NMRK2: variants seen among roughly 807,000 people sequenced by gnomAD.
The protein encoded by NMRK2 is nicotinamide riboside kinase 2, also known as NRK 2.
In NMRK2, 34 loss-of-function variants were observed where a neutral mutation model predicts 24.7. That is an observed-to-expected ratio of 1.37 (90% CI 1.05 to 1.83). The LOEUF (loss-of-function observed/expected upper bound fraction) is 1.83. NMRK2 is among the 40% of genes most tolerant of loss of function. The pLI is 0.00. For missense variants in NMRK2, 341 were observed against 315.0 expected, an observed-to-expected ratio of 1.08 and a Z score of -0.62; for synonymous variants, 145 against 125.6, an observed-to-expected ratio of 1.15 and a Z score of -1.03.
intron 2 of NMRK2, among the ~76,000 whole-genome samples, chr19:3,935,872 G>A (rs2039204250): frequency 6.6e-6 from 1 of 151,888 alleles, no homozygotes. Flanking sequence ...TGCATGGCCG[G>A]TGCTGTTTTA....
At chr19:3,940,979 TGACTATGAC>T in intron 6 of NMRK2, 83 bp from the exon 7 acceptor site, 2 of 812,402 alleles carry the variant, frequency 2.5e-6, no homozygotes, top group Non-Finnish European at 4.1e-6. Flanking sequence ...GTTCTGTCCC[TGACTATGAC>T]AGCTTTCAGG....
rs913687313 is a variant in NMRK2 at position 3,942,374 on chromosome 19, C to A, written c.*101C>A. 2 of 1,038,662 alleles carry A rather than the reference C, an allele frequency of 1.9e-6. No homozygotes were observed. Among genetic ancestry groups the A allele is most frequent in the Non-Finnish European group, 2.8e-6 (2 of 722,790 alleles). 64.3% of individuals were successfully genotyped at this position (1,038,662 alleles called of 1,614,324 possible). A position where few individuals can be genotyped will look rare whatever the true frequency, so the allele number is the denominator to read the frequency against. ...ACTGAGCCCCAAGACGCCTCTGTAACCTCGCTGCAGCTTCAGTAGTAAACT... is the reference window on the plus strand; with the variant it reads ...ACTGAGCCCCAAGACGCCTCTGTAAACTCGCTGCAGCTTCAGTAGTAAACT... On this transcript the variant is annotated 3_prime_UTR_variant, in exon 8 of 8. Coordinates refer to ENST00000168977, the MANE Select transcript of NMRK2 (RefSeq NM_170678.3).
intron 5 of NMRK2, 80 bp downstream of exon 5, chr19:3,938,839 T>TG (rs2039272163): frequency 6.5e-5 from 31 of 473,714 alleles, no homozygotes; most frequent in African/African-American, 3.8e-4. Flanking sequence ...TTTTTTTTTT[T>TG]TTTTGTTTTG....
intron 3 of NMRK2, 41 bp from the exon 4 acceptor site, chr19:3,937,199 G>A (rs1332519191): frequency 3.7e-6 from 6 of 1,608,782 alleles, no homozygotes; most frequent in Non-Finnish European, 5.1e-6. Flanking sequence ...GGTGAGGCAG[G>A]ACCGGGCACT....
rs748649005 is a variant in NMRK2, at chr19:3,937,302, T to A, written c.166+14T>A. ...AACAGTGGGACGGTAAGGACAAGCA[T>A]CACCTCCAAGCCCCACTATCCCCCG... On this transcript the variant is annotated intron_variant, in intron 4 of 7. Transcript: ENST00000168977. 1.2e-6 allele frequency: 2 copies of A among 1,611,984 alleles called. No individual in the cohort carries two copies. The highest frequency in any genetic ancestry group is 2.2e-5 in the South Asian group (2 of 90,980).
In NMRK2 at chr19:3,938,834, T is replaced by G. The variant is rs60777278; in HGVS notation, c.323+75T>G. 2,359 of 609,120 alleles carry G rather than the reference T, an allele frequency of 3.9e-3. 75 individuals carry two copies. The African/African-American group carries it at 0.049, about 13-fold the overall frequency. 37.7% of individuals were successfully genotyped at this position (609,120 alleles called of 1,614,324 possible). ...ATAGCCATCTCTTGTTTTTTTTTTT[T>G]TTTTTTTTTGTTTTGTTTTTTTTTT... On this transcript the variant is annotated intron_variant, in intron 5 of 7. Coordinates refer to ENST00000168977, the MANE Select transcript of NMRK2 (RefSeq NM_170678.3).
chr19:3,939,438 C>T (rs1033302848), intron 5 of NMRK2, among the ~76,000 whole-genome samples: 16 of 151,890 alleles, frequency 1.1e-4, no homozygotes, highest in South Asian at 2.1e-4. Flanking sequence ...CGCTTGAACC[C>T]GGGAAGTGGA....
At chr19:3,938,099 GT>G (rs2039247746) in intron 4 of NMRK2, among the ~76,000 whole-genome samples, 4 of 109,324 alleles carry the variant, frequency 3.7e-5, no homozygotes, top group Non-Finnish European at 5.6e-5. Context: ...CCCGTCCACT[GT>G]TCCCCTGGGG....
chr19:3,936,304 A>T (rs758208756), intron 2 of NMRK2, among the ~76,000 whole-genome samples: 1 of 151,990 alleles, frequency 6.6e-6, no homozygotes, highest in Non-Finnish European at 1.5e-5. Context: ...GCTACTCAGG[A>T]GGCTGAGGCA....
chr19:3,941,050 C>T (rs1276301584), intron 6 of NMRK2, 21 bp from the exon 7 acceptor site: 2 of 1,535,136 alleles, frequency 1.3e-6, no homozygotes, highest in Middle Eastern at 1.7e-4. Context: ...TCTAAGCCAT[C>T]CTTGCCTTCT....
Position 3,936,594 on chromosome 19 carries a change from A to G in NMRK2, c.46A>G (p.Thr16Ala). ...GIGGMTNGGK[T>A]TLTNSLLRAL... ...CCCCAGCATGACCAACGGCGGCAAG[A>G]CCACGCTGACCAACAGCCTGCTCAG... The change falls in exon 3 of 8, where the codon ACC (threonine) becomes GCC (alanine). Residue 16 changes from threonine (T) to alanine (A), a missense_variant. Thr to Ala is a moderately conservative substitution (Grantham distance 58, BLOSUM62 0). Transcript: ENST00000168977. 1 of 1,564,488 alleles carries G rather than the reference A, an allele frequency of 6.4e-7. No homozygotes were observed. The highest frequency in any genetic ancestry group is 1.2e-5 in the South Asian group (1 of 85,120).
intron 2 of NMRK2, 54 bp downstream of exon 2, chr19:3,933,751 C>T (rs924617720): frequency 5.0e-5 from 69 of 1,367,502 alleles, no homozygotes; most frequent in Non-Finnish European, 5.9e-5. Flanking sequence ...CCCCTGTGCG[C>T]GCAGAGGGGG....
At chr19:3,936,745 C>A in intron 3 of NMRK2, 80 bp downstream of exon 3, 2 of 1,196,326 alleles carry the variant, frequency 1.7e-6, no homozygotes, top group South Asian at 1.5e-5. Context: ...CCGCCCTCCA[C>A]TGCCCAGTGC....
At chr19:3,942,002 C>G (rs1305443374) in intron 7 of NMRK2, 81 bp from the exon 8 acceptor site, 1 of 1,196,242 alleles carries the variant, frequency 8.4e-7, no homozygotes, top group Non-Finnish European at 1.2e-6. Context: ...TCTCCTTGCT[C>G]CTGACCCAGC....
intron 3 of NMRK2, 58 bp downstream of exon 3, chr19:3,936,723 G>T: frequency 7.1e-7 from 1 of 1,408,488 alleles, no homozygotes. Flanking sequence ...GGGCAGCCAG[G>T]CCCGGCCAGC....
chr19:3,940,998 G>A, intron 6 of NMRK2, 73 bp from the exon 7 acceptor site: 1 of 964,500 alleles, frequency 1.0e-6, no homozygotes, highest in Non-Finnish European at 1.6e-6. Flanking sequence ...CAGCTTTCAG[G>A]CCCCCCACCG....
chr19:3,935,953 GT>G (rs2039205484), intron 2 of NMRK2, among the ~76,000 whole-genome samples: 1 of 152,020 alleles, frequency 6.6e-6, no homozygotes. Flanking sequence ...GCTCACACCT[GT>G]AATCCCAGCA....
At chr19:3,934,516 G>A (rs972837402) in intron 2 of NMRK2, among the ~76,000 whole-genome samples, 7 of 150,390 alleles carry the variant, frequency 4.7e-5, no homozygotes, top group South Asian at 2.1e-4. Context: ...AATGCTAGCC[G>A]GACTCCCTCT....
chr19:3,938,404 C>T (rs1156843500), intron 4 of NMRK2, among the ~76,000 whole-genome samples, 199 bp from the exon 5 acceptor site: 30 of 120,116 alleles, frequency 2.5e-4, no homozygotes, highest in South Asian at 5.5e-4. Flanking sequence ...CTGCAATGCC[C>T]GCTCCCCGTC....
Sources: allele counts gnomAD v4.1 joint callset (sites outside exome capture counted in the v4.1 genomes callset), GRCh38; gene constraint gnomAD v4.1.1; transcripts MANE v1.5; gene names NCBI Gene and HGNC (gene_info 2026-07-23, HGNC 2026-07-21).